CACNA1E: variants seen among roughly 807,000 people sequenced by gnomAD.
CACNA1E encodes the protein voltage-dependent R-type calcium channel subunit alpha-1E.
CACNA1E carries 40 observed loss-of-function variants against 259.2 expected under a neutral mutation model. The observed-to-expected ratio is 0.15, with a 90% CI of 0.12 to 0.20. CACNA1E has a LOEUF of 0.20. Among genes scored for constraint, CACNA1E ranks in the 10% least tolerant of loss-of-function variants. The pLI is 1.00. For missense variants in CACNA1E, 1,874 were observed against 3,040.1 expected, an observed-to-expected ratio of 0.62 and a Z score of 9.02; for synonymous variants, 1,104 against 1,138.5, an observed-to-expected ratio of 0.97 and a Z score of 0.61.
At chr1:181,613,640 C>G (rs1236423639) in intron 6 of CACNA1E, among the ~76,000 whole-genome samples, 2 of 152,148 alleles carry the variant, frequency 1.3e-5, no homozygotes, top group Non-Finnish European at 2.9e-5. Flanking sequence ...GGGTTAGCAA[C>G]TTTATGGGTA....
intron 46 of CACNA1E, among the ~76,000 whole-genome samples, chr1:181,795,359 A>G (rs1159934228): frequency 6.6e-6 from 1 of 152,228 alleles, no homozygotes; most frequent in African/African-American, 2.4e-5. Flanking sequence ...GGATTGTATT[A>G]GAGACCCACT....
intron 1 of CACNA1E, among the ~76,000 whole-genome samples, chr1:181,491,052 C>T (rs1374339599): frequency 1.3e-5 from 2 of 152,226 alleles, no homozygotes; most frequent in Non-Finnish European, 2.9e-5. Context: ...TTCTGTGCCT[C>T]TTTCTCAATT....
At chr1:181,357,148 T>A (rs1653511855) in intron 1 of CACNA1E, among the ~76,000 whole-genome samples, 1 of 152,120 alleles carries the variant, frequency 6.6e-6, no homozygotes, top group Non-Finnish European at 1.5e-5. Context: ...AAAGGAGCCT[T>A]TTCTCTTGCT....
intron 27 of CACNA1E, among the ~76,000 whole-genome samples, chr1:181,753,981 C>T (rs967898041): frequency 5.9e-5 from 9 of 152,200 alleles, no homozygotes; most frequent in African/African-American, 1.7e-4. Flanking sequence ...CTGGCTACCC[C>T]GCCTTCCCCC....
chr1:181,700,840 T>A (rs1228904636), intron 7 of CACNA1E, among the ~76,000 whole-genome samples: 1 of 152,212 alleles, frequency 6.6e-6, no homozygotes, highest in African/African-American at 2.4e-5. Context: ...TTTGGTGCGT[T>A]AGCCCACGCC....
chr1:181,508,334 ACTCTCAACG>A (rs1463478786), intron 1 of CACNA1E, among the ~76,000 whole-genome samples: 3 of 151,450 alleles, frequency 2.0e-5, no homozygotes, highest in African/African-American at 7.3e-5. Context: ...TAGGAATACC[ACTCTCAACG>A]CTCTCAACTT....
chr1:181,571,200 G>C (rs10910965), intron 3 of CACNA1E, among the ~76,000 whole-genome samples: 1 of 151,968 alleles, frequency 6.6e-6, no homozygotes, highest in Non-Finnish European at 1.5e-5. Context: ...GCTCAGAGTG[G>C]CAATTTCAAA....
At chr1:181,350,414 C>T (rs1470675700) in intron 1 of CACNA1E, among the ~76,000 whole-genome samples, 5 of 152,056 alleles carry the variant, frequency 3.3e-5, no homozygotes, top group Admixed American at 2.0e-4. Context: ...CTTTAAGCAC[C>T]CCTCCTCTTT....
intron 39 of CACNA1E, 121 bp downstream of exon 39, chr1:181,781,644 A>G (rs1660440502): frequency 1.5e-6 from 1 of 680,120 alleles, no homozygotes; most frequent in East Asian, 2.7e-5. Context: ...ACTAAGGAGG[A>G]AAGGCACGAT....
chr1:181,793,808 C>T lies in CACNA1E; in HGVS notation c.6027+15C>T. The stretch of plus-strand genomic sequence containing the variant: ...TGGATCCCCAGGTAAAAAGCAACCA[C>T]CTACATTAATGCAGTGGCATCCGGG... On this transcript the variant is annotated intron_variant, in intron 45 of 47. Transcript: ENST00000367573. The T allele has an allele frequency of 6.2e-7, 1 of 1,610,200 alleles. No homozygotes were observed. Among genetic ancestry groups the T allele is most frequent in the South Asian group, 1.1e-5 (1 of 90,260 alleles).
rs377536482 is a variant in CACNA1E, at chr1:181,798,775, A to G, written c.6883A>G (p.Met2295Val). 14 of 1,585,858 alleles carry G rather than the reference A, an allele frequency of 8.8e-6. No homozygotes were observed. The highest frequency in any genetic ancestry group is 1.3e-5 in the African/African-American group (1 of 74,506). Reference sequence around the variant, plus strand: ...GAGGCGCGGGGGGCCTGGGCCAGGCATGATGTGTGGGGCTGTCAACAACCT... The same window carrying G: ...GAGGCGCGGGGGGCCTGGGCCAGGCGTGATGTGTGGGGCTGTCAACAACCT... ...RRRRGGPGPG[M>V]MCGAVNNLLS... The change falls in exon 48 of 48, where the codon ATG (methionine) becomes GTG (valine). Residue 2295 changes from methionine to valine, a missense_variant. Met to Val is a conservative substitution (Grantham distance 21). Transcript: ENST00000367573. This position sits in a 1 kb window ranked among gnomAD's most constrained non-coding sequence, Gnocchi z 4.2.
chr1:181,711,975 C>A (rs1030862929), intron 8 of CACNA1E, among the ~76,000 whole-genome samples: 6 of 152,244 alleles, frequency 3.9e-5, no homozygotes, highest in African/African-American at 1.2e-4. Context: ...AAGGATAAGG[C>A]TGGAAGCAGA....
intron 1 of CACNA1E, among the ~76,000 whole-genome samples, chr1:181,380,026 TATA>T (rs1451973973): frequency 1.4e-5 from 2 of 147,966 alleles, no homozygotes; most frequent in Admixed American, 6.8e-5. Context: ...TATATTTAAA[TATA>T]ATATGTATTT....
chr1:181,626,483 C>A (rs1656213602), intron 6 of CACNA1E, among the ~76,000 whole-genome samples: 1 of 152,198 alleles, frequency 6.6e-6, no homozygotes, highest in South Asian at 2.1e-4. Flanking sequence ...TACTCAGCCT[C>A]TCTCAGGGCC....
At chr1:181,757,558 C>T (rs1187454790) in intron 30 of CACNA1E, among the ~76,000 whole-genome samples, 1 of 151,966 alleles carries the variant, frequency 6.6e-6, no homozygotes, top group African/African-American at 2.4e-5. Context: ...TTTATTTTTT[C>T]GATGGAACTG....
intron 2 of CACNA1E, among the ~76,000 whole-genome samples, chr1:181,434,151 G>A (rs1659915992): frequency 6.6e-6 from 1 of 152,076 alleles, no homozygotes; most frequent in Admixed American, 6.5e-5. Flanking sequence ...AACCGCTCTG[G>A]GTATGTCCTT....
intron 6 of CACNA1E, among the ~76,000 whole-genome samples, chr1:181,602,012 G>A (rs1653792117): frequency 6.6e-6 from 1 of 151,934 alleles, no homozygotes; most frequent in Admixed American, 6.6e-5. Context: ...CAGTTATCAG[G>A]GTGGGCTCAC....
At chr1:181,395,676 G>C (rs1246988287) in intron 1 of CACNA1E, among the ~76,000 whole-genome samples, 1 of 152,180 alleles carries the variant, frequency 6.6e-6, no homozygotes, top group Non-Finnish European at 1.5e-5. Context: ...AGAGCAGCTG[G>C]GGTTAAGAGC....
rs984810121 is a variant in CACNA1E, at chr1:181,800,628, A to T, written c.*1794A>T. 6.6e-6 allele frequency: 1 copy of T among 152,520 alleles called. No individual in the cohort carries two copies. The highest frequency in any genetic ancestry group is 1.5e-5 in the Non-Finnish European group (1 of 68,034). The allele number at this position is 152,520 out of a possible 1,614,324, so 9.4% of individuals were successfully genotyped here. On this transcript the variant is annotated 3_prime_UTR_variant, in exon 48 of 48. Coordinates refer to ENST00000367573, the MANE Select transcript of CACNA1E (RefSeq NM_001205293.3). ...GATCCTGATCTGCCCTGCACTGAGC[A>T]CTCAGTGGATAAACACTCCTCCAGC...
Sources: gnomAD v4.1 joint callset for allele counts (sites outside exome capture counted in the v4.1 genomes callset) on GRCh38, gnomAD v4.1.1 for gene constraint, Gnocchi (gnomAD v3.1) non-coding constraint, MANE v1.5 for transcripts, NCBI Gene and HGNC (gene_info 2026-07-23, HGNC 2026-07-21) for gene names.